Variants in SNRPN observed in about 807,000 individuals in gnomAD.
SNRPN encodes the protein small nuclear ribonucleoprotein-associated protein N.
In SNRPN, 7 loss-of-function variants were observed where a neutral mutation model predicts 25.2. That is an observed-to-expected ratio of 0.28 (90% CI 0.16 to 0.52). SNRPN has a LOEUF of 0.52. SNRPN is among the 20% of genes least tolerant of loss of function. The pLI is 0.96. For synonymous variants in SNRPN, 124 were observed against 110.6 expected, an observed-to-expected ratio of 1.12 and a Z score of -0.76; for missense variants, 196 against 322.5, an observed-to-expected ratio of 0.61 and a Z score of 3.00.
intron 2 of SNRPN, among the ~76,000 whole-genome samples, chr15:24,905,508 CAAAAA>C (rs11341629): frequency 8.2e-6 from 1 of 122,298 alleles, no homozygotes. Flanking sequence ...GACTCCATCT[CAAAAA>C]AAAAAAAAAA....
At chr15:24,904,644 G>T (rs964491534) in intron 2 of SNRPN, among the ~76,000 whole-genome samples, 5 of 150,400 alleles carry the variant, frequency 3.3e-5, no homozygotes, top group African/African-American at 9.8e-5. Context: ...AACAGAGCAA[G>T]ACTCCCTCTT....
intron 1 of SNRPN, among the ~76,000 whole-genome samples, chr15:24,882,973 A>C (rs575354676): frequency 6.6e-6 from 1 of 152,242 alleles, no homozygotes; most frequent in African/African-American, 2.4e-5. Flanking sequence ...TCAAACACAA[A>C]GTCTATTTTA....
At chr15:24,976,210 C>T (rs1184280795) in intron 5 of SNRPN, 95 bp from the exon 6 acceptor site, 5 of 918,306 alleles carry the variant, frequency 5.4e-6, no homozygotes, top group Non-Finnish European at 8.8e-6. Flanking sequence ...TGTTTAGCAT[C>T]AGTTGTCTTA....
chr15:24,963,587 CCTGGGTGACAGAGCAAGA>C (rs1370152303), intron 2 of SNRPN, among the ~76,000 whole-genome samples: 1 of 150,452 alleles, frequency 6.6e-6, no homozygotes, highest in Non-Finnish European at 1.5e-5. Flanking sequence ...TGCACTCTAG[CCTGGGTGACAGAGCAAGA>C]CTCCATCTCA....
At chr15:24,830,617 A>T (rs970352425) in intron 2 of SNRPN, among the ~76,000 whole-genome samples, 1 of 152,086 alleles carries the variant, frequency 6.6e-6, no homozygotes, top group Non-Finnish European at 1.5e-5. Flanking sequence ...ACAAATTTTG[A>T]TGAGGTGTGT....
intron 2 of SNRPN, among the ~76,000 whole-genome samples, chr15:24,894,963 T>A (rs905364806): frequency 1.3e-5 from 2 of 152,170 alleles, no homozygotes; most frequent in African/African-American, 4.8e-5. Context: ...GTAACATGAG[T>A]CTTCATAAGA....
intron 1 of SNRPN, among the ~76,000 whole-genome samples, chr15:24,827,973 T>C (rs1166629676): frequency 6.6e-6 from 1 of 152,042 alleles, no homozygotes; most frequent in Non-Finnish European, 1.5e-5. Context: ...ACCAGCAACG[T>C]GCATATTGTC....
intron 3 of SNRPN, among the ~76,000 whole-genome samples, chr15:24,936,277 T>C (rs918809175): frequency 2.0e-5 from 3 of 152,164 alleles, no homozygotes; most frequent in Non-Finnish European, 2.9e-5. Flanking sequence ...AAAGCTTAAT[T>C]TGCTGCTTGG....
intron 3 of SNRPN, among the ~76,000 whole-genome samples, chr15:24,926,418 C>G (rs1321971208): frequency 3.3e-5 from 5 of 152,072 alleles, no homozygotes; most frequent in Non-Finnish European, 7.3e-5. Context: ...AATTATTGTC[C>G]TGACATGATT....
At chr15:24,950,846 C>T (rs963041687), upstream of SNRPN, among the ~76,000 whole-genome samples, 1 of 151,088 alleles carries the variant, frequency 6.6e-6, no homozygotes, top group African/African-American at 2.4e-5. Flanking sequence ...CTGTGCCCGG[C>T]CCCTATGTTT....
chr15:24,897,308 T>C lies in SNRPN; in HGVS notation c.-505+10719T>C, dbSNP rs144154099. On this transcript the variant is annotated intron_variant, in intron 2 of 11. Coordinates refer to the SNRPN transcript ENST00000400097. ...CATTGTTGTAAACTGCTAAATTGAC[T>C]GGATGTGGTGGCTCACACCTGTAAT... 6.4e-3 allele frequency among the ~76,000 whole-genome samples: 974 copies of C among 152,262 alleles called. 12 individuals are homozygous for C. The highest frequency in any genetic ancestry group is 0.022 in the African/African-American group (928 of 41,546).
intron 2 of SNRPN, among the ~76,000 whole-genome samples, chr15:24,834,874 T>C (rs993543912): frequency 3.0e-5 from 4 of 134,674 alleles, no homozygotes; most frequent in Non-Finnish European, 6.2e-5. Flanking sequence ...TAAAGTGAGC[T>C]GAGAGTGCCA....
intron 3 of SNRPN, among the ~76,000 whole-genome samples, chr15:24,926,458 T>C (rs2060386089): frequency 6.6e-6 from 1 of 152,112 alleles, no homozygotes; most frequent in Admixed American, 6.5e-5. Context: ...CTCAGAAGTG[T>C]GCTAGTTTGA....
At chr15:24,879,243 T>C (rs1480992071) in intron 1 of SNRPN, among the ~76,000 whole-genome samples, 3 of 152,068 alleles carry the variant, frequency 2.0e-5, no homozygotes, top group Non-Finnish European at 4.4e-5. Context: ...GAGACCAGCC[T>C]GGGCAACACG....
intron 1 of SNRPN, among the ~76,000 whole-genome samples, chr15:24,866,170 T>C (rs900894863): frequency 6.6e-6 from 1 of 152,146 alleles, no homozygotes; most frequent in Non-Finnish European, 1.5e-5. Flanking sequence ...TTAATATAGC[T>C]ACTCCTGCTT....
chr15:24,878,445 T>C (rs1006346579), intron 1 of SNRPN, among the ~76,000 whole-genome samples: 1 of 152,248 alleles, frequency 6.6e-6, no homozygotes, highest in Non-Finnish European at 1.5e-5. Flanking sequence ...GCAGGCGGAA[T>C]TGGGGCGCCT....
chr15:24,977,122 A>ACTT, intron 7 of SNRPN, 93 bp downstream of exon 7: 1 of 990,984 alleles, frequency 1.0e-6, no homozygotes, highest in Non-Finnish European at 1.4e-6. Flanking sequence ...TGTGTCATAC[A>ACTT]ATGTAAACAG....
At chr15:24,855,828 G>A (rs1262186342), upstream of SNRPN, among the ~76,000 whole-genome samples, 4 of 148,898 alleles carry the variant, frequency 2.7e-5, no homozygotes, top group Non-Finnish European at 4.4e-5. Flanking sequence ...ATTCTACCCC[G>A]GAAGTCATGT....
chr15:24,864,797 T>C (rs902677322), intron 1 of SNRPN, among the ~76,000 whole-genome samples: 3 of 152,162 alleles, frequency 2.0e-5, no homozygotes, highest in African/African-American at 7.2e-5. Context: ...TTGCATCATG[T>C]GTTATTTAAA....
Sources: gnomAD v4.1 joint callset for allele counts (sites outside exome capture counted in the v4.1 genomes callset) on GRCh38, gnomAD v4.1.1 for gene constraint, MANE v1.5 for transcripts, NCBI Gene and HGNC (gene_info 2026-07-23, HGNC 2026-07-21) for gene names.